The following MGMT variants were observed in gnomAD, a reference collection of about 807,000 sequenced individuals.
MGMT encodes the protein methylated-DNA--protein-cysteine methyltransferase.
A neutral mutation model predicts 15.9 loss-of-function variants in MGMT; 14 were observed. The ratio of observed to expected loss-of-function variants is 0.88; its 90% CI spans 0.58 to 1.37. The LOEUF (loss-of-function observed/expected upper bound fraction) is 1.37. Among genes scored for constraint, MGMT ranks in the 40% most tolerant of loss-of-function variants. The pLI is 0.00. For synonymous variants in MGMT, 130 were observed against 118.2 expected, an observed-to-expected ratio of 1.10 and a Z score of -0.65; for missense variants, 282 against 268.1, an observed-to-expected ratio of 1.05 and a Z score of -0.36.
chr10:129,726,880 T>C (rs1773688974), intron 3 of MGMT, among the ~76,000 whole-genome samples: 1 of 152,212 alleles, frequency 6.6e-6, no homozygotes, highest in Admixed American at 6.5e-5. Flanking sequence ...TAGGTTTTGT[T>C]ACTGTTTAAA....
intron 2 of MGMT, among the ~76,000 whole-genome samples, chr10:129,595,026 G>A (rs928772314): frequency 3.3e-5 from 5 of 152,172 alleles, no homozygotes; most frequent in Admixed American, 6.5e-5. Flanking sequence ...GCCGTCTCTC[G>A]GGGCCTTCCT....
intron 2 of MGMT, among the ~76,000 whole-genome samples, chr10:129,576,377 C>T (rs1846483096): frequency 6.6e-6 from 1 of 152,134 alleles, no homozygotes; most frequent in South Asian, 2.1e-4. Flanking sequence ...AAGGCTGGTT[C>T]AATATACGCA....
In MGMT at chr10:129,765,569, G is replaced by T. The variant is rs531416053; in HGVS notation, c.415-1219G>T. ...AAAAGCGAGATTGAAGGCAGGGGGT[G>T]GGGGGCCAGTGGCATGGCCATGGTG... is the stretch of plus-strand genomic sequence containing the variant. On this transcript the variant is annotated intron_variant, in intron 4 of 4. Coordinates refer to ENST00000651593, the MANE Select transcript of MGMT (RefSeq NM_002412.5). Among the ~76,000 whole-genome samples, 121 of 152,316 alleles carry T rather than the reference G, an allele frequency of 7.9e-4. 1 individual carries two copies. The South Asian group carries it at 0.024, about 30-fold the overall frequency.
rs1278297496 is a variant in MGMT, at chr10:129,699,062, C to T, written c.126-8833C>T. Among the ~76,000 whole-genome samples the T allele has an allele frequency of 2.0e-5, 3 of 152,270 alleles. No homozygotes were observed. In the East Asian group the frequency reaches 5.8e-4, roughly 29 times the overall value. ...AATCTTTAGGGACCTGATCATTCAT[C>T]TATAGTTTTGGGGTGTTTTTATCTT... On this transcript the variant is annotated intron_variant, in intron 2 of 4. Coordinates refer to ENST00000651593, the MANE Select transcript of MGMT (RefSeq NM_002412.5).
At chr10:129,507,836 C>T (rs1845641345) in intron 1 of MGMT, among the ~76,000 whole-genome samples, 1 of 152,244 alleles carries the variant, frequency 6.6e-6, no homozygotes, top group Non-Finnish European at 1.5e-5. Flanking sequence ...AAATATGGAT[C>T]TGCTTTCAAA....
At chr10:129,562,570 G>A (rs1225559828) in intron 2 of MGMT, among the ~76,000 whole-genome samples, 1 of 152,218 alleles carries the variant, frequency 6.6e-6, no homozygotes, top group Non-Finnish European at 1.5e-5. Flanking sequence ...TTAATTTTCT[G>A]ACAGCAGTAG....
At chr10:129,614,729 A>G (rs1185008148) in intron 2 of MGMT, among the ~76,000 whole-genome samples, 1 of 152,134 alleles carries the variant, frequency 6.6e-6, no homozygotes, top group Non-Finnish European at 1.5e-5. Flanking sequence ...GTGACAGGCA[A>G]TCTAGTTGGC....
chr10:129,664,245 C>G (rs541076685), intron 2 of MGMT, among the ~76,000 whole-genome samples: 1 of 152,338 alleles, frequency 6.6e-6, no homozygotes, highest in East Asian at 1.9e-4. Context: ...AACTTAAACA[C>G]TGTACTCTGA....
At chr10:129,509,413 CCTT>C (rs1467909835) in intron 1 of MGMT, among the ~76,000 whole-genome samples, 1 of 152,096 alleles carries the variant, frequency 6.6e-6, no homozygotes, top group Non-Finnish European at 1.5e-5. Context: ...TGGTTGGGCT[CCTT>C]CTCTGTGTGT....
chr10:129,565,327 C>T (rs981345784), intron 2 of MGMT, among the ~76,000 whole-genome samples: 5 of 152,026 alleles, frequency 3.3e-5, no homozygotes, highest in Non-Finnish European at 2.9e-5. Context: ...CACAGTCTAC[C>T]CTCTGAACTG....
chr10:129,640,611 A>T (rs1434042305), intron 2 of MGMT, among the ~76,000 whole-genome samples: 2 of 152,110 alleles, frequency 1.3e-5, no homozygotes, highest in Non-Finnish European at 2.9e-5. Context: ...ATACTTTCCA[A>T]CTCTTTTTAT....
At chr10:129,623,958 C>G (rs895548680) in intron 2 of MGMT, among the ~76,000 whole-genome samples, 9 of 152,264 alleles carry the variant, frequency 5.9e-5, no homozygotes, top group Non-Finnish European at 7.3e-5. Flanking sequence ...CTGTGCCCTT[C>G]CCAAGGGCTT....
intron 2 of MGMT, among the ~76,000 whole-genome samples, chr10:129,572,855 TTTATC>T (rs1846436050): frequency 6.6e-6 from 1 of 152,214 alleles, no homozygotes; most frequent in South Asian, 2.1e-4. Flanking sequence ...TGCTCTCACA[TTTATC>T]TTAAGTCCCT....
intron 2 of MGMT, among the ~76,000 whole-genome samples, chr10:129,563,150 T>C (rs991954877): frequency 6.6e-6 from 1 of 152,198 alleles, no homozygotes; most frequent in Non-Finnish European, 1.5e-5. Flanking sequence ...GAATGTGTTT[T>C]CAGGGTCGAT....
intron 3 of MGMT, among the ~76,000 whole-genome samples, chr10:129,754,589 A>G (rs539806750): frequency 3.9e-5 from 6 of 152,356 alleles, no homozygotes; most frequent in African/African-American, 7.2e-5. Context: ...TTCTGCTGCT[A>G]TAACAACACT....
intron 2 of MGMT, among the ~76,000 whole-genome samples, chr10:129,631,026 C>T (rs1242319989): frequency 2.0e-5 from 3 of 152,164 alleles, no homozygotes; most frequent in African/African-American, 4.8e-5. Context: ...CAAATCTCAT[C>T]GGTATCAATA....
At chr10:129,760,384 T>C (rs1249829523) in intron 4 of MGMT, among the ~76,000 whole-genome samples, 1 of 152,180 alleles carries the variant, frequency 6.6e-6, no homozygotes, top group Non-Finnish European at 1.5e-5. Context: ...TCCCGAAAGC[T>C]CTGTGAAAGT....
intron 2 of MGMT, among the ~76,000 whole-genome samples, chr10:129,553,736 A>C (rs1264719202): frequency 6.6e-6 from 1 of 152,190 alleles, no homozygotes; most frequent in African/African-American, 2.4e-5. Context: ...AAGGCATTGA[A>C]GACCAGTGGA....
chr10:129,751,654 T>C (rs1040673729), intron 3 of MGMT, among the ~76,000 whole-genome samples: 6 of 151,874 alleles, frequency 4.0e-5, no homozygotes. Flanking sequence ...TACTATAAAT[T>C]TTCCTCTAAA....
Sources: gnomAD v4.1 joint callset for allele counts (sites outside exome capture counted in the v4.1 genomes callset) on GRCh38, gnomAD v4.1.1 for gene constraint, MANE v1.5 for transcripts, NCBI Gene and HGNC (gene_info 2026-07-23, HGNC 2026-07-21) for gene names.